TBC1D4: variants seen among roughly 807,000 people sequenced by gnomAD.
The protein encoded by TBC1D4 is TBC (Tre-2, BUB2, CDC16) domain-containing protein.
TBC1D4 carries 121 observed loss-of-function variants against 142.5 expected under a neutral mutation model. The ratio of observed to expected loss-of-function variants is 0.85; its 90% confidence interval spans 0.73 to 0.99. TBC1D4 has a LOEUF of 0.99. TBC1D4 is among the 50% of genes least tolerant of loss of function. TBC1D4 has a pLI of 0.00. For missense variants in TBC1D4, 1,475 were observed against 1,606.6 expected (o/e 0.92, Z 1.40); for synonymous variants, 630 against 628.2 (o/e 1.00, Z -0.04).
At chr13:75,393,377 A>G (rs1369617333) in intron 1 of TBC1D4, among the ~76,000 whole-genome samples, 1 of 152,194 alleles carries the variant, frequency 6.6e-6, no homozygotes, top group Non-Finnish European at 1.5e-5. Flanking sequence ...TAATATTTAT[A>G]TAATAAAAAT....
intron 3 of TBC1D4, 138 bp from the exon 4 acceptor site, chr13:75,356,389 T>G (rs946262430): frequency 2.8e-6 from 2 of 715,110 alleles, no homozygotes; most frequent in South Asian, 1.5e-5. Context: ...GGGGACATAA[T>G]GCCATAGCAA....
chr13:75,341,661 C>T, intron 5 of TBC1D4, 74 bp from the exon 6 acceptor site: 2 of 1,133,976 alleles, frequency 1.8e-6, no homozygotes, highest in Middle Eastern at 1.9e-4. Context: ...ATGCATTACA[C>T]TTCACCTCTT....
chr13:75,468,938 G>A (rs140803041), intron 1 of TBC1D4, among the ~76,000 whole-genome samples: 206 of 152,288 alleles, frequency 1.4e-3, no homozygotes, highest in Non-Finnish European at 2.4e-3. Context: ...CTCCCCGGAA[G>A]TGTAAAAAAG....
At chr13:75,381,502 G>T (rs1883845563) in intron 1 of TBC1D4, among the ~76,000 whole-genome samples, 1 of 152,156 alleles carries the variant, frequency 6.6e-6, no homozygotes, top group African/African-American at 2.4e-5. Flanking sequence ...GGGCATACCA[G>T]AAACTGCTTC....
chr13:75,475,495 A>G (rs1888597744), intron 1 of TBC1D4, among the ~76,000 whole-genome samples: 1 of 152,360 alleles, frequency 6.6e-6, no homozygotes, highest in East Asian at 1.9e-4. Context: ...TGTTTGCAGT[A>G]ATTATTTAGG....
chr13:75,328,423 C>G (rs557914849), intron 8 of TBC1D4, among the ~76,000 whole-genome samples: 1 of 151,900 alleles, frequency 6.6e-6, no homozygotes, highest in African/African-American at 2.4e-5. Context: ...TTCACATAGT[C>G]CTTTGGTGTG....
intron 8 of TBC1D4, among the ~76,000 whole-genome samples, chr13:75,328,640 C>G (rs1021335638): frequency 7.9e-5 from 12 of 152,052 alleles, no homozygotes; most frequent in Admixed American, 7.2e-4. Flanking sequence ...CTGAGGAGTT[C>G]CACACAACTC....
At chr13:75,461,478 T>C (rs1035754189) in intron 1 of TBC1D4, among the ~76,000 whole-genome samples, 3 of 152,210 alleles carry the variant, frequency 2.0e-5, no homozygotes, top group African/African-American at 7.2e-5. Context: ...TACTAAGTGC[T>C]ATAAACTTTC....
intron 15 of TBC1D4, chr13:75,302,616 G>A (rs1358800527): frequency 1.3e-5 from 8 of 600,464 alleles, no homozygotes; most frequent in Non-Finnish European, 2.1e-5. Flanking sequence ...CAACACTTAC[G>A]ATAATGACAA....
chr13:75,377,602 C>T (rs990437548), intron 1 of TBC1D4, among the ~76,000 whole-genome samples: 2 of 151,280 alleles, frequency 1.3e-5, no homozygotes, highest in African/African-American at 4.8e-5. Context: ...GGTTACTCTA[C>T]TAACTATTCA....
chr13:75,288,379 T>A, intron 20 of TBC1D4, among the ~76,000 whole-genome samples: 1 of 152,164 alleles, frequency 6.6e-6, no homozygotes, highest in Non-Finnish European at 1.5e-5. Context: ...TTTGAGAGAT[T>A]TCCCTCTTGA....
At position 75,358,882 on chromosome 13, in the gene TBC1D4, TAAATA is replaced by T. The variant is rs536777869; in HGVS notation, c.1170+882_1170+886del. Among the ~76,000 whole-genome samples the T allele has an allele frequency of 9.9e-4, 151 of 151,898 alleles. 1 individual carries two copies. Among genetic ancestry groups the T allele is most frequent in the African/African-American group, 3.5e-3 (146 of 41,438 alleles). ...CTGTCTCCAAAAATAAATAAATAAA[TAAATA>T]AAAGTACAAAAACTGTCTTGTTAAC... On this transcript the variant is annotated intron_variant, in intron 3 of 20. Coordinates refer to ENST00000377636, the MANE Select transcript of TBC1D4 (RefSeq NM_014832.5).
At chr13:75,437,152 G>A (rs1264524216) in intron 1 of TBC1D4, among the ~76,000 whole-genome samples, 5 of 152,258 alleles carry the variant, frequency 3.3e-5, no homozygotes, top group Admixed American at 3.3e-4. Flanking sequence ...TAGGCCTAAA[G>A]GGGTATTACT....
At chr13:75,396,179 G>GA (rs1218692950) in intron 1 of TBC1D4, among the ~76,000 whole-genome samples, 3 of 152,114 alleles carry the variant, frequency 2.0e-5, no homozygotes, top group Non-Finnish European at 4.4e-5. Flanking sequence ...AACAGACGTA[G>GA]AAAAAAATCA....
At chr13:75,432,867 G>A (rs150236753) in intron 1 of TBC1D4, among the ~76,000 whole-genome samples, 24 of 151,188 alleles carry the variant, frequency 1.6e-4, no homozygotes, top group African/African-American at 4.4e-4. Flanking sequence ...TCGTGAACCC[G>A]GAAGGCAGAG....
chr13:75,291,007 G>A (rs936736002), intron 19 of TBC1D4, among the ~76,000 whole-genome samples: 2 of 152,128 alleles, frequency 1.3e-5, no homozygotes, highest in Non-Finnish European at 2.9e-5. Flanking sequence ...AATCTATCAA[G>A]CTGCTCTTAA....
At chr13:75,465,278 A>G (rs1593915799) in intron 1 of TBC1D4, among the ~76,000 whole-genome samples, 1 of 152,214 alleles carries the variant, frequency 6.6e-6, no homozygotes, top group Non-Finnish European at 1.5e-5. Context: ...TTTAAGATAC[A>G]TGAAGCAGTG....
At chr13:75,341,454 C>T (rs745326357) in intron 6 of TBC1D4, 42 bp downstream of exon 6, 5 of 1,582,854 alleles carry the variant, frequency 3.2e-6, no homozygotes, top group Non-Finnish European at 4.3e-6. Context: ...ATCCAATTCT[C>T]ATTCCTTATG....
intron 1 of TBC1D4, among the ~76,000 whole-genome samples, chr13:75,421,507 A>G (rs1484887698): frequency 6.6e-6 from 1 of 152,202 alleles, no homozygotes; most frequent in Non-Finnish European, 1.5e-5. Context: ...GAGTATATTT[A>G]TACATGCTTT....
Sources: allele counts gnomAD v4.1 joint callset (sites outside exome capture counted in the v4.1 genomes callset), GRCh38; gene constraint gnomAD v4.1.1; transcripts MANE v1.5; gene names NCBI Gene and HGNC (gene_info 2026-07-23, HGNC 2026-07-21).